The following PDZRN4 variants were observed in gnomAD, a reference collection of about 807,000 sequenced individuals.
PDZRN4 encodes PDZ domain containing ring finger 4, also known as PDZ domain-containing RING finger protein 4.
PDZRN4 carries 70 observed loss-of-function variants against 99.0 expected under a neutral mutation model. The observed-to-expected ratio is 0.71, with a 90% CI of 0.58 to 0.86. The LOEUF (loss-of-function observed/expected upper bound fraction) is 0.86, where lower values mean the gene tolerates loss of function less well. Among genes scored for constraint, PDZRN4 ranks in the 40% least tolerant of loss-of-function variants. The pLI is 0.00. For synonymous variants in PDZRN4, 551 were observed against 501.6 expected, an observed-to-expected ratio of 1.10 and a Z score of -1.32; for missense variants, 1,474 against 1,331.2, an observed-to-expected ratio of 1.11 and a Z score of -1.67.
intron 3 of PDZRN4, among the ~76,000 whole-genome samples, chr12:41,377,609 A>T (rs1424941298): frequency 6.6e-6 from 1 of 152,114 alleles, no homozygotes; most frequent in African/African-American, 2.4e-5. Flanking sequence ...GCTTGCAGCG[A>T]GCTGAGATCA....
At chr12:41,211,667 G>A (rs1421504154) in intron 3 of PDZRN4, among the ~76,000 whole-genome samples, 1 of 151,934 alleles carries the variant, frequency 6.6e-6, no homozygotes, top group Admixed American at 6.6e-5. Flanking sequence ...CTGCCGATTT[G>A]ATAATTGGAC....
chr12:41,429,092 G>A lies in PDZRN4; in HGVS notation c.844-77364G>A, dbSNP rs189050060. Among the ~76,000 whole-genome samples the A allele has an allele frequency of 4.6e-5, 7 of 152,308 alleles. 1 individual carries two copies. The highest frequency in any genetic ancestry group is 4.1e-4 in the South Asian group (2 of 4,822). ...TGTTTTTAATAGTCCCAATGGAAAC[G>A]TCAGTGGTCAATGAATTGATGGGTC... On this transcript the variant is annotated intron_variant, in intron 3 of 9. Transcript: ENST00000402685.
chr12:41,548,547 G>T (rs992578442), intron 5 of PDZRN4, among the ~76,000 whole-genome samples: 1 of 152,290 alleles, frequency 6.6e-6, no homozygotes, highest in South Asian at 2.1e-4. Context: ...AACGGCTAGC[G>T]TGTCTAGCCC....
chr12:41,359,917 A>G (rs1951953022), intron 3 of PDZRN4, among the ~76,000 whole-genome samples: 1 of 152,020 alleles, frequency 6.6e-6, no homozygotes, highest in South Asian at 2.1e-4. Context: ...CATTTCTAAG[A>G]AGCAGTAGTG....
chr12:41,190,556 C>T (rs1950729895), intron 1 of PDZRN4, among the ~76,000 whole-genome samples: 1 of 152,180 alleles, frequency 6.6e-6, no homozygotes, highest in Non-Finnish European at 1.5e-5. Flanking sequence ...TGCAGACTAG[C>T]CAAAACCTTC....
At chr12:41,406,858 CA>C (rs758320141) in intron 3 of PDZRN4, among the ~76,000 whole-genome samples, 4,723 of 46,916 alleles carry the variant, frequency 0.1, 87 homozygotes, top group African/African-American at 0.2. Flanking sequence ...AACTCCGTCT[CA>C]AAAAAAAAAA....
At chr12:41,389,860 A>C (rs553712067) in intron 3 of PDZRN4, among the ~76,000 whole-genome samples, 1 of 152,296 alleles carries the variant, frequency 6.6e-6, no homozygotes, top group South Asian at 2.1e-4. Flanking sequence ...GTTCTGCTGG[A>C]TTTTACCACC....
chr12:41,190,960 A>G (rs1950732159), intron 1 of PDZRN4, among the ~76,000 whole-genome samples: 1 of 152,220 alleles, frequency 6.6e-6, no homozygotes, highest in Non-Finnish European at 1.5e-5. Flanking sequence ...CAGTAGCCTA[A>G]CAGATCCTGC....
chr12:41,398,605 C>T (rs1799757133), intron 3 of PDZRN4, among the ~76,000 whole-genome samples: 2 of 152,144 alleles, frequency 1.3e-5, no homozygotes. Context: ...ATGCTGCAAG[C>T]TGTAACTTGT....
Position 41,347,735 on chromosome 12 carries a change from G to T in PDZRN4, c.843+153547G>T, listed in dbSNP as rs183470311. On this transcript the variant is annotated intron_variant, in intron 3 of 9. Transcript: ENST00000402685. ...CATTTACTTATCTCAAGGTTACAAA[G>T]ACTTACTCCTAGGTTTTCTTCTGAG... is the stretch of plus-strand genomic sequence containing the variant. Among the ~76,000 whole-genome samples the T allele has an allele frequency of 2.6e-5, 4 of 152,202 alleles. No individual in the cohort carries two copies. In the South Asian group the frequency reaches 6.2e-4, roughly 24 times the overall value.
chr12:41,405,035 C>T (rs1028514108), intron 3 of PDZRN4, among the ~76,000 whole-genome samples: 1 of 151,916 alleles, frequency 6.6e-6, no homozygotes, highest in East Asian at 1.9e-4. Flanking sequence ...TAGGAAACAC[C>T]CTTCTCAACA....
At chr12:41,454,518 C>T (rs1350240497) in intron 3 of PDZRN4, among the ~76,000 whole-genome samples, 1 of 152,204 alleles carries the variant, frequency 6.6e-6, no homozygotes, top group Non-Finnish European at 1.5e-5. Flanking sequence ...TCTGTATTCC[C>T]TTGCGGGAGA....
intron 3 of PDZRN4, among the ~76,000 whole-genome samples, chr12:41,312,678 C>T (rs1951615013): frequency 6.6e-6 from 1 of 152,082 alleles, no homozygotes; most frequent in Admixed American, 6.6e-5. Flanking sequence ...CATCAGATCT[C>T]GTGAGACTTA....
intron 3 of PDZRN4, among the ~76,000 whole-genome samples, chr12:41,317,149 T>C (rs956831336): frequency 6.7e-6 from 1 of 149,158 alleles, no homozygotes; most frequent in Admixed American, 6.8e-5. Context: ...CTCATATATA[T>C]ATTTAGAGAG....
intron 3 of PDZRN4, among the ~76,000 whole-genome samples, chr12:41,286,876 A>G (rs1290434738): frequency 2.0e-5 from 3 of 152,146 alleles, no homozygotes; most frequent in African/African-American, 7.2e-5. Flanking sequence ...ATATTTTTCT[A>G]TGTTAATCAT....
chr12:41,521,569 A>G (rs1938493530), intron 5 of PDZRN4, among the ~76,000 whole-genome samples: 1 of 152,140 alleles, frequency 6.6e-6, no homozygotes, highest in Non-Finnish European at 1.5e-5. Flanking sequence ...GAACTTTGAC[A>G]TGGTGCATAT....
At position 41,254,120 on chromosome 12, in the gene PDZRN4, A is replaced by C. The variant is rs530967358; in HGVS notation, c.843+59932A>C. On this transcript the variant is annotated intron_variant, in intron 3 of 9. Transcript: ENST00000402685. ...AAAAATAGTAAAGGTGGTAAATTAA[A>C]TATGTGTATTTTACCTCAGTAAATA... Among the ~76,000 whole-genome samples, 5 of 152,188 alleles carry C rather than the reference A, an allele frequency of 3.3e-5. No individual in the cohort carries two copies. The East Asian group carries it at 9.7e-4, about 29-fold the overall frequency.
intron 3 of PDZRN4, among the ~76,000 whole-genome samples, chr12:41,429,614 G>T (rs970392160): frequency 3.3e-5 from 5 of 152,032 alleles, no homozygotes; most frequent in African/African-American, 1.2e-4. Flanking sequence ...AGTAGATGCA[G>T]ATTGTTTGGG....
chr12:41,388,617 G>T (rs1296046116), intron 3 of PDZRN4, among the ~76,000 whole-genome samples: 1 of 152,162 alleles, frequency 6.6e-6, no homozygotes, highest in East Asian at 1.9e-4. Context: ...GAAACTATTG[G>T]AGTAGTATAG....
Sources: gnomAD v4.1 joint callset for allele counts (sites outside exome capture counted in the v4.1 genomes callset) on GRCh38, gnomAD v4.1.1 for gene constraint, MANE v1.5 for transcripts, NCBI Gene and HGNC (gene_info 2026-07-23, HGNC 2026-07-21) for gene names.